PHC3: variants seen among roughly 807,000 people sequenced by gnomAD.
PHC3 encodes the protein polyhomeotic-like protein 3.
PHC3 carries 13 observed loss-of-function variants against 107.4 expected under a neutral mutation model. The observed-to-expected ratio is 0.12, with a 90% CI of 0.08 to 0.19. The LOEUF (loss-of-function observed/expected upper bound fraction) is 0.19, where lower values mean the gene tolerates loss of function less well. Ranked by LOEUF, PHC3 falls within the 10% of genes least tolerant of loss-of-function variation. PHC3 has a pLI of 1.00. For missense variants in PHC3, 992 were observed against 1,210.9 expected, an observed-to-expected ratio of 0.82 and a Z score of 2.68; for synonymous variants, 456 against 427.4, an observed-to-expected ratio of 1.07 and a Z score of -0.83.
rs951164258 is a variant in PHC3, at chr3:170,108,936, G to C, written c.2354-1990C>G. On this transcript the variant is annotated intron_variant, in intron 11 of 14. Coordinates refer to ENST00000495893, the MANE Select transcript of PHC3 (RefSeq NM_024947.4). ...AGGAAATGTTTTTGTTGGTGACAGAGAGGAAATACCAAACAGAAATGGTTT... is the reference window on the plus strand; with the variant it reads ...AGGAAATGTTTTTGTTGGTGACAGACAGGAAATACCAAACAGAAATGGTTT... Among the ~76,000 whole-genome samples, 9 of 152,166 alleles carry C rather than the reference G, an allele frequency of 5.9e-5. No homozygotes were observed. In the South Asian group the frequency reaches 1.7e-3, roughly 28 times the overall value.
chr3:170,137,495 G>C (rs1723291842), intron 6 of PHC3, among the ~76,000 whole-genome samples: 1 of 152,130 alleles, frequency 6.6e-6, no homozygotes, highest in Admixed American at 6.6e-5. Flanking sequence ...AATATATGCA[G>C]GCTAGCACTG....
chr3:170,099,989 T>A (rs188997690), intron 14 of PHC3, among the ~76,000 whole-genome samples: 1 of 152,288 alleles, frequency 6.6e-6, no homozygotes, highest in African/African-American at 2.4e-5. Context: ...ATAAGAATTA[T>A]TCCTGTAGAT....
At chr3:170,178,499 G>A (rs780451341) in intron 2 of PHC3, among the ~76,000 whole-genome samples, 4 of 152,142 alleles carry the variant, frequency 2.6e-5, no homozygotes, top group African/African-American at 4.8e-5. Flanking sequence ...CTTCCACCAC[G>A]GAATGAGGCA....
intron 6 of PHC3, among the ~76,000 whole-genome samples, chr3:170,141,667 AGTGGCTC>A (rs1724119586): frequency 1.3e-5 from 2 of 152,150 alleles, no homozygotes; most frequent in African/African-American, 4.8e-5. Flanking sequence ...TCTGGAATGC[AGTGGCTC>A]GATCTTGGCT....
At chr3:170,170,253 G>A (rs1729381718) in intron 4 of PHC3, 1 of 151,572 alleles carries the variant, frequency 6.6e-6, no homozygotes, top group Non-Finnish European at 1.5e-5. Flanking sequence ...TTACCATTCT[G>A]GACCAGGAAA....
At chr3:170,165,077 A>G (rs941470589) in intron 4 of PHC3, among the ~76,000 whole-genome samples, 2 of 152,144 alleles carry the variant, frequency 1.3e-5, no homozygotes, top group Non-Finnish European at 2.9e-5. Flanking sequence ...AGTAAAAGGT[A>G]CTCCTATTCC....
chr3:170,135,464 T>TA (rs1269097790), intron 7 of PHC3, among the ~76,000 whole-genome samples: 1 of 151,796 alleles, frequency 6.6e-6, no homozygotes, highest in Non-Finnish European at 1.5e-5. Flanking sequence ...TTTTTTTTTT[T>TA]AATGAAACAT....
chr3:170,127,382 G>A (rs945471626), intron 8 of PHC3, among the ~76,000 whole-genome samples: 6 of 152,160 alleles, frequency 3.9e-5, no homozygotes, highest in Admixed American at 1.3e-4. Flanking sequence ...TGCCAGGCTG[G>A]TCTCGAACTC....
At chr3:170,148,278 T>TAACAAC (rs750824968) in intron 5 of PHC3, 33 of 151,470 alleles carry the variant, frequency 2.2e-4, no homozygotes, top group African/African-American at 6.5e-4. Context: ...CAAAAAACAA[T>TAACAAC]AACAACAACA....
At chr3:170,098,400 CAAAG>C (rs1171694294) in intron 14 of PHC3, among the ~76,000 whole-genome samples, 12 of 152,124 alleles carry the variant, frequency 7.9e-5, no homozygotes, top group Admixed American at 5.2e-4. Context: ...AGGGAAAACA[CAAAG>C]AAAAAGATAA....
Position 170,128,690 on chromosome 3 carries a change from T to C in PHC3, c.1782A>G (p.Pro594=), listed in dbSNP as rs1721750263. The C allele has an allele frequency of 6.2e-7, 1 of 1,613,652 alleles. No homozygotes were observed. The highest frequency in any genetic ancestry group is 8.5e-7 in the Non-Finnish European group (1 of 1,179,674). Residue 594 remains proline (P), a synonymous_variant, in exon 8 of 15, where the codon CCA becomes CCG. Coordinates refer to ENST00000495893, the MANE Select transcript of PHC3 (RefSeq NM_024947.4). ...AGAGCTTCCAAGGGCTTACCACTGG[T>C]GGATCAACAGGTGCTGGTGGTTGCA... ...LQVQPPAPVD[P]PVVYQVEDVC...
chr3:170,179,481 C>T (rs935276985), intron 1 of PHC3, among the ~76,000 whole-genome samples: 1 of 152,164 alleles, frequency 6.6e-6, no homozygotes, highest in Admixed American at 6.5e-5. Context: ...TTTTAACTCA[C>T]ACTGGCTTTT....
chr3:170,126,529 T>TATA (rs1491097010), intron 8 of PHC3, among the ~76,000 whole-genome samples: 475 of 39,894 alleles, frequency 0.012, no homozygotes, highest in East Asian at 0.062. Context: ...TATATATATA[T>TATA]TTTTTTTTTT....
rs117416051 is a variant in PHC3 at position 170,143,378 on chromosome 3, A to T, written c.672+2045T>A. On this transcript the variant is annotated intron_variant, in intron 6 of 14. Coordinates refer to ENST00000495893, the MANE Select transcript of PHC3 (RefSeq NM_024947.4). ...GAGAATGCCAGGGCAAGTTAGAAGA[A>T]AGCTGGATTTAACCGACCATCATCT... 3.9e-3 allele frequency among the ~76,000 whole-genome samples: 594 copies of T among 152,314 alleles called. 19 individuals carry two copies. The East Asian group carries it at 0.098, about 25-fold the overall frequency.
At position 170,088,753 on chromosome 3, in the gene PHC3, C is replaced by T. The variant is rs914603756; in HGVS notation, c.*8477G>A. The T allele has an allele frequency of 1.3e-5, 2 of 152,158 alleles. No individual in the cohort carries two copies. Among genetic ancestry groups the T allele is most frequent in the African/African-American group, 2.4e-5 (1 of 41,438 alleles). 9.4% of individuals were successfully genotyped at this position (152,158 alleles called of 1,614,324 possible). ...TTTTTAAACCAGTACCATGGAATAA[C>T]TTTTTGAAACCCAGATTATCTGGCT... On this transcript the variant is annotated 3_prime_UTR_variant, in exon 15 of 15. Transcript: ENST00000495893.
chr3:170,173,910 C>G (rs1026723229), intron 2 of PHC3, among the ~76,000 whole-genome samples: 11 of 152,258 alleles, frequency 7.2e-5, no homozygotes, highest in Admixed American at 5.9e-4. Context: ...AATTACAAAG[C>G]AGCTGGGCAG....
chr3:170,124,256 A>C (rs1720913268), intron 8 of PHC3, among the ~76,000 whole-genome samples: 2 of 152,352 alleles, frequency 1.3e-5, no homozygotes, highest in South Asian at 4.1e-4. Context: ...TTATTTATGA[A>C]AAATGATTAC....
intron 7 of PHC3, among the ~76,000 whole-genome samples, chr3:170,134,284 G>A (rs993357934): frequency 4.6e-5 from 7 of 151,960 alleles, no homozygotes; most frequent in East Asian, 3.9e-4. Context: ...CCACCTCCCC[G>A]GTTCAAGTAA....
rs1037913050 is a variant in PHC3, at chr3:170,115,450, T to C, written c.2193+1776A>G. 5.9e-5 allele frequency among the ~76,000 whole-genome samples: 9 copies of C among 152,300 alleles called. 1 individual carries two copies. Among genetic ancestry groups the C allele is most frequent in the Non-Finnish European group, 1.5e-5 (1 of 68,020 alleles). ...CATATATACAATACATATGTACATA[T>C]ATACCACAATACATATGTATACACA... On this transcript the variant is annotated intron_variant, in intron 10 of 14. Coordinates refer to ENST00000495893, the MANE Select transcript of PHC3 (RefSeq NM_024947.4).
Sources: gnomAD v4.1 joint callset for allele counts (sites outside exome capture counted in the v4.1 genomes callset) on GRCh38, gnomAD v4.1.1 for gene constraint, MANE v1.5 for transcripts, NCBI Gene and HGNC (gene_info 2026-07-23, HGNC 2026-07-21) for gene names.